Variants in LOXHD1 observed in about 807,000 individuals in gnomAD.
The protein encoded by LOXHD1 is lipoxygenase homology PLAT domains 1, also known as lipoxygenase homology domain-containing protein 1.
Under a neutral mutation model 248.2 loss-of-function variants are expected in LOXHD1, and 205 were observed. The ratio of observed to expected loss-of-function variants is 0.83; its 90% CI spans 0.74 to 0.93. LOXHD1 has a LOEUF of 0.93. Among genes scored for constraint, LOXHD1 ranks in the 40% least tolerant of loss-of-function variants. LOXHD1 has a pLI of 0.00. For missense variants in LOXHD1, 2,930 were observed against 2,971.6 expected (o/e 0.99, Z 0.33); for synonymous variants, 1,113 against 1,162.8 (o/e 0.96, Z 0.87).
intron 4 of LOXHD1, among the ~76,000 whole-genome samples, chr18:46,637,996 G>C (rs2038913916): frequency 6.6e-6 from 1 of 152,072 alleles, no homozygotes; most frequent in South Asian, 2.1e-4. Flanking sequence ...TTTAGAGGGG[G>C]AGCACAGTAC....
At chr18:46,594,118 T>C (rs1419551324) in intron 9 of LOXHD1, among the ~76,000 whole-genome samples, 1 of 152,036 alleles carries the variant, frequency 6.6e-6, no homozygotes, top group African/African-American at 2.4e-5. Context: ...GACACTGGAG[T>C]CAGCCTTGGT....
rs573953982 is a variant in LOXHD1 at position 46,538,289 on chromosome 18, C to G, written c.3962G>C (p.Gly1321Ala). The change falls in exon 26 of 41, where the codon GGG becomes GCG. Residue 1321 changes from glycine to alanine, a missense_variant. Gly to Ala is a moderately conservative substitution (Grantham distance 60). Coordinates refer to ENST00000642948, the MANE Select transcript of LOXHD1 (RefSeq NM_001384474.1). The stretch of plus-strand genomic sequence containing the variant: ...GATGATGAAGATGTTGGCATCTGTC[C>G]CAGCAGCAAAGACATCACTGGTGTA... ...TLYTSDVFAA[G>A]TDANIFIIIY... 9 of 1,551,474 alleles carry G rather than the reference C, an allele frequency of 5.8e-6. No individual in the cohort carries two copies. In the African/African-American group the frequency reaches 1.1e-4, roughly 19 times the overall value.
At chr18:46,566,560 C>A (rs2037646712) in intron 16 of LOXHD1, 111 bp from the exon 17 acceptor site, 4 of 924,548 alleles carry the variant, frequency 4.3e-6, no homozygotes, top group South Asian at 1.5e-5. Flanking sequence ...GTCTCCAGTC[C>A]CCAGGAGAGG....
intron 37 of LOXHD1, among the ~76,000 whole-genome samples, chr18:46,493,539 C>T (rs1335600389): frequency 1.3e-5 from 2 of 152,142 alleles, no homozygotes; most frequent in African/African-American, 4.8e-5. Flanking sequence ...CATTAGTGTG[C>T]ACCATTATTG....
In LOXHD1 at chr18:46,649,153, A is replaced by G; in HGVS notation, c.245+2T>C. On this transcript the variant is annotated splice_donor_variant, in intron 2 of 40. Transcript: ENST00000642948. LOFTEE classifies it high-confidence loss of function. The stretch of plus-strand genomic sequence containing the variant: ...TCCCACCAAGGCCAAGTGGGTACTC[A>G]CTTGCTGGTGAGCTGGAGCTTGGGA... 1.3e-6 allele frequency: 2 copies of G among 1,551,390 alleles called. No individual in the cohort carries two copies. Among genetic ancestry groups the G allele is most frequent in the Non-Finnish European group, 1.7e-6 (2 of 1,146,728 alleles).
Position 46,521,127 on chromosome 18 carries a change from C to A in LOXHD1, c.5241G>T (p.Leu1747Phe). The A allele has an allele frequency of 6.4e-7, 1 of 1,551,768 alleles. No homozygotes were observed. The highest frequency in any genetic ancestry group is 8.7e-7 in the Non-Finnish European group (1 of 1,147,008). ...CCCCAATGTTCACCACCATGGCATC[C>A]AAGAGGTCGAAGACACGGGAGGTGA... ...DGITSRVFDL[L>F]DAMVVNIGVK... Residue 1747 changes from leucine (L) to phenylalanine (F), a missense_variant, in exon 33 of 41, where the codon TTG becomes TTT. Physicochemically the swap from Leu to Phe is conservative, Grantham distance 22 (BLOSUM62 0). Coordinates refer to ENST00000642948, the MANE Select transcript of LOXHD1 (RefSeq NM_001384474.1).
At chr18:46,647,997 C>T (rs1030474888) in intron 2 of LOXHD1, among the ~76,000 whole-genome samples, 2 of 152,224 alleles carry the variant, frequency 1.3e-5, no homozygotes, top group Non-Finnish European at 2.9e-5. Flanking sequence ...TGGCTCACAC[C>T]TGTAATCCTG....
intron 14 of LOXHD1, among the ~76,000 whole-genome samples, chr18:46,574,748 C>T (rs545332422): frequency 2.0e-5 from 3 of 152,286 alleles, no homozygotes; most frequent in African/African-American, 7.2e-5. Flanking sequence ...TTAATGGGCT[C>T]CTTTCAAAGT....
chr18:46,537,852 A>T (rs1193641986), intron 26 of LOXHD1, among the ~76,000 whole-genome samples: 1 of 152,176 alleles, frequency 6.6e-6, no homozygotes, highest in Non-Finnish European at 1.5e-5. Flanking sequence ...CCACCTGTGG[A>T]TAAGTGTCTA....
intron 2 of LOXHD1, among the ~76,000 whole-genome samples, chr18:46,647,053 C>T (rs886982600): frequency 6.6e-6 from 1 of 152,228 alleles, no homozygotes; most frequent in African/African-American, 2.4e-5. Flanking sequence ...CAGACCTATG[C>T]TCTTGCTGCC....
At chr18:46,514,466 C>T (rs549879060) in intron 34 of LOXHD1, among the ~76,000 whole-genome samples, 1 of 152,318 alleles carries the variant, frequency 6.6e-6, no homozygotes, top group South Asian at 2.1e-4. Context: ...AAGATAAGCC[C>T]TTTGCAGTCT....
intron 37 of LOXHD1, among the ~76,000 whole-genome samples, chr18:46,498,426 A>G (rs2034014120): frequency 1.3e-5 from 2 of 152,198 alleles, no homozygotes. Context: ...CATCAGAAAA[A>G]TTACCACAAA....
chr18:46,500,588 A>G (rs770739936), intron 37 of LOXHD1, among the ~76,000 whole-genome samples: 3 of 152,132 alleles, frequency 2.0e-5, no homozygotes, highest in Non-Finnish European at 4.4e-5. Flanking sequence ...AGACACTACA[A>G]TGATCTTCTC....
rs1351605114 is a variant in LOXHD1 at position 46,577,725 on chromosome 18, A to T, written c.1952T>A (p.Val651Glu). The change falls in exon 14 of 41, where the codon GTG becomes GAG. Residue 651 changes from valine to glutamate, a missense_variant. Val to Glu is a moderately radical substitution (Grantham distance 121). Coordinates refer to ENST00000642948, the MANE Select transcript of LOXHD1 (RefSeq NM_001384474.1). Reference protein sequence around the residue: ...REEGQPESDNVEFPCLRWLDK... With the variant: ...REEGQPESDNEEFPCLRWLDK... ...CATGTACCTGAGACATGGGAACTCC[A>T]CGTTGTCGCTCTCAGGCTGCCCCTC... The T allele has an allele frequency of 8.4e-6, 13 of 1,551,380 alleles. No homozygotes were observed. The highest frequency in any genetic ancestry group is 2.0e-5 in the Admixed American group (1 of 50,980).
rs1051629865 is a variant in LOXHD1, at chr18:46,577,773, A to G, written c.1904T>C (p.Leu635Pro). Residue 635 changes from leucine to proline, a missense_variant, in exon 14 of 41, where the codon CTG becomes CCG. By Grantham distance (98) the Leu-to-Pro change is moderately conservative. Transcript: ENST00000642948. ...DGKGSGSGWY[L>P]DRVLVREEGQ... Reference sequence around the variant, plus strand: ...CTCCTCTCTCACCAGCACTCTGTCCAGGTACCAGCCGCTGCCGGAGCCTTT... The same window carrying G: ...CTCCTCTCTCACCAGCACTCTGTCCGGGTACCAGCCGCTGCCGGAGCCTTT... 3 of 1,551,684 alleles carry G rather than the reference A, an allele frequency of 1.9e-6. No homozygotes were observed. The highest frequency in any genetic ancestry group is 2.6e-6 in the Non-Finnish European group (3 of 1,146,984).
Position 46,559,502 on chromosome 18 carries a change from C to G in LOXHD1, c.3162G>C (p.Thr1054=). Residue 1054 remains threonine (T), a synonymous_variant, in exon 20 of 41, where the codon ACG becomes ACC. Transcript: ENST00000642948. The part of the protein sequence containing the change: ...LTIYGEEYGD[T]GERPLKKSDK... The stretch of plus-strand genomic sequence containing the variant: ...CTGACTTCTTCAGGGGTCGTTCGCC[C>G]GTGTCTCCATACTCCTCGCCGTAGA... 6.4e-6 allele frequency: 10 copies of G among 1,552,076 alleles called. No homozygotes were observed. Among genetic ancestry groups the G allele is most frequent in the Non-Finnish European group, 7.0e-6 (8 of 1,147,084 alleles).
At chr18:46,505,327 C>T (rs973036522) in intron 37 of LOXHD1, among the ~76,000 whole-genome samples, 3 of 152,002 alleles carry the variant, frequency 2.0e-5, no homozygotes, top group African/African-American at 7.2e-5. Context: ...ACCACGGGTG[C>T]ATGCCACCAT....
intron 12 of LOXHD1, among the ~76,000 whole-genome samples, chr18:46,582,453 T>C (rs373064534): frequency 5.4e-4 from 81 of 151,290 alleles, no homozygotes; most frequent in African/African-American, 1.8e-3. Flanking sequence ...CCAAAAATGG[T>C]ACTCTGTAAA....
chr18:46,567,414 C>A (rs1336596251), intron 16 of LOXHD1, among the ~76,000 whole-genome samples: 1 of 152,252 alleles, frequency 6.6e-6, no homozygotes, highest in Non-Finnish European at 1.5e-5. Context: ...GCATGCAGCC[C>A]AGTCCCCTGG....
Sources: allele counts gnomAD v4.1 joint callset (sites outside exome capture counted in the v4.1 genomes callset), GRCh38; gene constraint gnomAD v4.1.1; transcripts MANE v1.5; gene names NCBI Gene and HGNC (gene_info 2026-07-23, HGNC 2026-07-21).